Variants in KAT2B observed in about 807,000 individuals in gnomAD.
The protein encoded by KAT2B is lysine acetyltransferase 2B.
Under a neutral mutation model 105.9 loss-of-function variants are expected in KAT2B, and 36 were observed. The observed-to-expected ratio is 0.34, with a 90% confidence interval of 0.26 to 0.45. The LOEUF (loss-of-function observed/expected upper bound fraction) is 0.45, where lower values mean the gene tolerates loss of function less well. KAT2B is among the 20% of genes least tolerant of loss of function. KAT2B has a pLI of 1.00. For synonymous variants in KAT2B, 397 were observed against 377.9 expected, an observed-to-expected ratio of 1.05 and a Z score of -0.59; for missense variants, 820 against 1,021.6, an observed-to-expected ratio of 0.80 and a Z score of 2.69.
At chr3:20,054,840 G>A in intron 1 of KAT2B, among the ~76,000 whole-genome samples, 1 of 152,162 alleles carries the variant, frequency 6.6e-6, no homozygotes, top group Non-Finnish European at 1.5e-5. Flanking sequence ...AGGACTACCT[G>A]ACTCATCCCA....
At chr3:20,086,206 G>C (rs912944721) in intron 2 of KAT2B, among the ~76,000 whole-genome samples, 1 of 152,054 alleles carries the variant, frequency 6.6e-6, no homozygotes, top group East Asian at 1.9e-4. Flanking sequence ...CAGAAAAGTC[G>C]AGGCTGCAGT....
intron 15 of KAT2B, 107 bp from the exon 16 acceptor site, chr3:20,148,136 G>T: frequency 7.4e-7 from 1 of 1,351,610 alleles, no homozygotes; most frequent in South Asian, 1.2e-5. Flanking sequence ...AAAACATTCT[G>T]GAATGGTTCC....
chr3:20,134,428 C>T (rs1235222383), intron 11 of KAT2B, among the ~76,000 whole-genome samples: 3 of 149,792 alleles, frequency 2.0e-5, no homozygotes, highest in Non-Finnish European at 4.4e-5. Context: ...GACGGAGTCT[C>T]GCTCTGTCGC....
chr3:20,134,257 A>T (rs556598868), intron 11 of KAT2B, among the ~76,000 whole-genome samples: 1 of 152,170 alleles, frequency 6.6e-6, no homozygotes, highest in East Asian at 1.9e-4. Context: ...TTACATTTAG[A>T]TTTCTAATCC....
chr3:20,105,852 T>G (rs560441799), intron 5 of KAT2B, among the ~76,000 whole-genome samples: 1 of 152,048 alleles, frequency 6.6e-6, no homozygotes, highest in East Asian at 1.9e-4. Context: ...CATAGCAAGT[T>G]AGCTAGAACT....
chr3:20,090,136 A>G (rs1353952718), intron 2 of KAT2B, among the ~76,000 whole-genome samples: 2 of 152,154 alleles, frequency 1.3e-5, no homozygotes, highest in African/African-American at 4.8e-5. Flanking sequence ...TTATAAAATT[A>G]TGTTATCTGC....
intron 5 of KAT2B, among the ~76,000 whole-genome samples, chr3:20,109,569 G>T (rs1335166191): frequency 6.6e-6 from 1 of 152,026 alleles, no homozygotes; most frequent in South Asian, 2.1e-4. Context: ...CTTCCTGCTT[G>T]GGCCTTCCAA....
At chr3:20,100,321 G>A (rs1698888509) in intron 4 of KAT2B, among the ~76,000 whole-genome samples, 1 of 152,172 alleles carries the variant, frequency 6.6e-6, no homozygotes, top group Non-Finnish European at 1.5e-5. Context: ...CTATTGAGGT[G>A]AGGGGATTTA....
chr3:20,114,146 C>G (rs977055323), intron 6 of KAT2B, among the ~76,000 whole-genome samples: 1 of 151,986 alleles, frequency 6.6e-6, no homozygotes, highest in Admixed American at 6.6e-5. Context: ...ATCTGTATTT[C>G]TAATAAGGTT....
Position 20,111,734 on chromosome 3 carries a change from A to T in KAT2B, c.990A>T (p.Glu330Asp), listed in dbSNP as rs1278406615. 4 of 1,613,994 alleles carry T rather than the reference A, an allele frequency of 2.5e-6. No homozygotes were observed. The Admixed American group carries it at 5.0e-5, about 20-fold the overall frequency. ...AACTCCTGGAACAAGCAAGACAGGA[A>T]AAAGATAAACTGCCTCTTGAAAAAC... The part of the protein sequence containing the change: ...RRQLLEQARQ[E>D]KDKLPLEKRT... Residue 330 changes from glutamate to aspartate, a missense_variant, in exon 6 of 18, where the codon GAA becomes GAT. Transcript: ENST00000263754.
chr3:20,075,377 A>G (rs892018273), intron 2 of KAT2B, among the ~76,000 whole-genome samples: 2 of 151,870 alleles, frequency 1.3e-5, no homozygotes, highest in Non-Finnish European at 1.5e-5. Context: ...TCACCAAGCA[A>G]TTCTCCCACT....
At chr3:20,060,501 T>C (rs1698082227) in intron 1 of KAT2B, among the ~76,000 whole-genome samples, 1 of 152,196 alleles carries the variant, frequency 6.6e-6, no homozygotes, top group Non-Finnish European at 1.5e-5. Flanking sequence ...CTGGGGAGGC[T>C]GAGGCAGGAG....
intron 1 of KAT2B, among the ~76,000 whole-genome samples, chr3:20,060,483 C>A (rs1178829592): frequency 1.3e-5 from 2 of 152,172 alleles, no homozygotes; most frequent in African/African-American, 4.8e-5. Context: ...TGCCTGTAAT[C>A]CCAGCTACTG....
chr3:20,062,182 A>T lies in KAT2B; in HGVS notation c.304-10151A>T, dbSNP rs1272227790. Among the ~76,000 whole-genome samples the T allele has an allele frequency of 3.7e-4, 26 of 71,052 alleles. 2 individuals are homozygous for T. The South Asian group carries it at 0.01, about 28-fold the overall frequency. 46.6% of individuals were successfully genotyped at this position (71,052 alleles called of 152,430 possible). On this transcript the variant is annotated intron_variant, in intron 1 of 17. Transcript: ENST00000263754. Reference sequence around the variant, plus strand: ...TAATATATAATATATATAATATATAATATATAAAATATATATATTTTATAT... The same window carrying T: ...TAATATATAATATATATAATATATATTATATAAAATATATATATTTTATAT...
intron 2 of KAT2B, among the ~76,000 whole-genome samples, chr3:20,083,095 A>T (rs1054578139): frequency 1.2e-4 from 18 of 152,214 alleles, no homozygotes; most frequent in Non-Finnish European, 2.2e-4. Context: ...CTCACTACTG[A>T]TACAGTGTAC....
At position 20,125,911 on chromosome 3, in the gene KAT2B, T is replaced by C; in HGVS notation, c.1420T>C (p.Phe474Leu). The part of the protein sequence containing the change: ...PAAMLGPETN[F>L]LSAHSARDEA... Reference sequence around the variant, plus strand: ...CCTGTCTCTTGCATCTCAGACCAATTTTCTGTCAGCACACTCGGCCAGGGA... The same window carrying C: ...CCTGTCTCTTGCATCTCAGACCAATCTTCTGTCAGCACACTCGGCCAGGGA... Residue 474 changes from phenylalanine (F) to leucine (L), a missense_variant, in exon 10 of 18, where the codon TTT becomes CTT. By Grantham distance (22) the Phe-to-Leu change is conservative. Coordinates refer to ENST00000263754, the MANE Select transcript of KAT2B (RefSeq NM_003884.5). The C allele has an allele frequency of 6.2e-7, 1 of 1,613,522 alleles. No individual in the cohort carries two copies. Among genetic ancestry groups the C allele is most frequent in the Non-Finnish European group, 8.5e-7 (1 of 1,179,918 alleles).
At chr3:20,081,817 A>G (rs528811099) in intron 2 of KAT2B, among the ~76,000 whole-genome samples, 116 of 150,946 alleles carry the variant, frequency 7.7e-4, no homozygotes, top group Non-Finnish European at 1.3e-3. Flanking sequence ...AGAATATCCC[A>G]TAAATCCTTT....
At chr3:20,095,199 A>T (rs1698787930) in intron 2 of KAT2B, 64 bp from the exon 3 acceptor site, 6 of 1,375,898 alleles carry the variant, frequency 4.4e-6, no homozygotes, top group Non-Finnish European at 6.1e-6. Context: ...CCTTCCACTT[A>T]AAAATGGGGA....
At chr3:20,130,463 G>T (rs1209089796) in intron 11 of KAT2B, among the ~76,000 whole-genome samples, 3 of 152,122 alleles carry the variant, frequency 2.0e-5, no homozygotes, top group Non-Finnish European at 2.9e-5. Flanking sequence ...ATTTTATTTG[G>T]CTTTTCTTAG....
Sources: gnomAD v4.1 joint callset for allele counts (sites outside exome capture counted in the v4.1 genomes callset) on GRCh38, gnomAD v4.1.1 for gene constraint, MANE v1.5 for transcripts, NCBI Gene and HGNC (gene_info 2026-07-23, HGNC 2026-07-21) for gene names.